PLEKHA7: variants seen among roughly 807,000 people sequenced by gnomAD.
The protein encoded by PLEKHA7 is pleckstrin homology domain-containing family A member 7.
In PLEKHA7, 104 loss-of-function variants were observed where a neutral mutation model predicts 170.0. That is an observed-to-expected ratio of 0.61 (90% CI 0.52 to 0.72). The LOEUF is 0.72. PLEKHA7 is among the 30% of genes least tolerant of loss of function. The pLI is 0.00. For synonymous variants in PLEKHA7, 648 were observed against 660.8 expected, an observed-to-expected ratio of 0.98 and a Z score of 0.30; for missense variants, 1,615 against 1,671.7, an observed-to-expected ratio of 0.97 and a Z score of 0.59.
At chr11:17,011,133 C>T (rs1017915059) in intron 3 of PLEKHA7, among the ~76,000 whole-genome samples, 4 of 152,190 alleles carry the variant, frequency 2.6e-5, no homozygotes, top group African/African-American at 9.7e-5. Context: ...TGTGCTCCAG[C>T]CTCCAGAGTC....
intron 3 of PLEKHA7, among the ~76,000 whole-genome samples, chr11:16,982,251 C>T (rs1345064031): frequency 6.6e-6 from 1 of 152,254 alleles, no homozygotes; most frequent in African/African-American, 2.4e-5. Context: ...AAGAATTTGG[C>T]CAAGGGCAAA....
chr11:16,913,862 AG>A (rs1418721534), intron 3 of PLEKHA7, among the ~76,000 whole-genome samples: 3 of 152,272 alleles, frequency 2.0e-5, no homozygotes, highest in Admixed American at 2.0e-4. Context: ...TAAGGTAAAT[AG>A]AAGAGTCCAC....
At chr11:16,887,375 ACG>A (rs1856204441) in intron 3 of PLEKHA7, among the ~76,000 whole-genome samples, 1 of 142,830 alleles carries the variant, frequency 7.0e-6, no homozygotes, top group Non-Finnish European at 1.5e-5. Context: ...CCCTCTCCCC[ACG>A]GTCTGCCTCT....
intron 16 of PLEKHA7, 102 bp downstream of exon 16, chr11:16,801,566 T>G: frequency 7.0e-7 from 1 of 1,429,964 alleles, no homozygotes; most frequent in African/African-American, 1.4e-5. Context: ...ATTTCAGGAC[T>G]CTTGCCTCTG....
intron 10 of PLEKHA7, among the ~76,000 whole-genome samples, chr11:16,823,252 C>T (rs941339387): frequency 6.6e-6 from 1 of 152,104 alleles, no homozygotes; most frequent in African/African-American, 2.4e-5. Flanking sequence ...GCGATCCTAC[C>T]ACCTCGGCCT....
chr11:16,840,244 A>G (rs898541757), intron 9 of PLEKHA7, among the ~76,000 whole-genome samples: 2 of 152,080 alleles, frequency 1.3e-5, no homozygotes, highest in African/African-American at 4.8e-5. Context: ...AGAGCTTACT[A>G]TGTGTCAGAT....
intron 3 of PLEKHA7, among the ~76,000 whole-genome samples, chr11:16,933,652 C>T (rs752868681): frequency 6.6e-6 from 1 of 152,178 alleles, no homozygotes; most frequent in Admixed American, 6.5e-5. Context: ...TGATCAAGAA[C>T]TCTATTTTGG....
At chr11:16,994,021 T>C (rs1314999475) in intron 3 of PLEKHA7, among the ~76,000 whole-genome samples, 1 of 152,228 alleles carries the variant, frequency 6.6e-6, no homozygotes, top group Non-Finnish European at 1.5e-5. Context: ...ATAAAGTAGA[T>C]GTTTCCTCAA....
intron 3 of PLEKHA7, among the ~76,000 whole-genome samples, chr11:16,879,799 C>G (rs1239393209): frequency 6.6e-6 from 1 of 152,188 alleles, no homozygotes; most frequent in Non-Finnish European, 1.5e-5. Context: ...ATTTGCAAAC[C>G]TCTACATTTC....
chr11:17,004,345 T>A (rs1864853927), intron 3 of PLEKHA7, among the ~76,000 whole-genome samples: 1 of 152,086 alleles, frequency 6.6e-6, no homozygotes, highest in Non-Finnish European at 1.5e-5. Flanking sequence ...CCCTTGAACT[T>A]TGAAGAAGCT....
chr11:17,009,547 T>C (rs1054955009), intron 3 of PLEKHA7, among the ~76,000 whole-genome samples: 3 of 152,248 alleles, frequency 2.0e-5, no homozygotes, highest in Non-Finnish European at 4.4e-5. Context: ...ATGACACTAT[T>C]ATCACAATTA....
rs113154554 is a variant in PLEKHA7, at chr11:16,851,728, T to C, written c.596-437A>G. ...CCTCCCAAAGTGTTGGGATTACAGG[T>C]GTGAGCCACAGTGCCCAGCCAGCTC... On this transcript the variant is annotated intron_variant, in intron 7 of 26. Transcript: ENST00000531066. Among the ~76,000 whole-genome samples, 1,327 of 152,132 alleles carry C rather than the reference T, an allele frequency of 8.7e-3. 22 individuals carry two copies. Among genetic ancestry groups the C allele is most frequent in the African/African-American group, 0.031 (1,267 of 41,508 alleles).
chr11:16,863,966 C>T (rs1390727666), intron 4 of PLEKHA7, among the ~76,000 whole-genome samples: 1 of 152,196 alleles, frequency 6.6e-6, no homozygotes, highest in Non-Finnish European at 1.5e-5. Flanking sequence ...GGAGGCTTGG[C>T]ATCTTTCAAA....
chr11:16,909,962 T>C (rs538804289), intron 3 of PLEKHA7, among the ~76,000 whole-genome samples: 1 of 152,232 alleles, frequency 6.6e-6, no homozygotes, highest in Non-Finnish European at 1.5e-5. Flanking sequence ...ACAATGACCC[T>C]AAAGAGATAC....
intron 3 of PLEKHA7, among the ~76,000 whole-genome samples, chr11:16,958,241 C>T (rs11024091): frequency 0.067 from 10,243 of 152,012 alleles, 1,141 homozygotes; most frequent in African/African-American, 0.23. Flanking sequence ...CAATTGAGCC[C>T]GGAATGCTAA....
At position 16,826,242 on chromosome 11, in the gene PLEKHA7, A is replaced by T; in HGVS notation, c.1221T>A (p.Asn407Lys). ...LPASYGPGEQNGTGGYQRAFP... is the reference protein window; with the variant it reads ...LPASYGPGEQKGTGGYQRAFP... ...AGGCCCGCTGGTACCCACCAGTCCCATTCTGTTCTCCTGGGCCATATGAGG... is the reference window on the plus strand; with the variant it reads ...AGGCCCGCTGGTACCCACCAGTCCCTTTCTGTTCTCCTGGGCCATATGAGG... The change falls in exon 10 of 27, where the codon AAT becomes AAA. Residue 407 changes from asparagine to lysine, a missense_variant. Physicochemically the swap from Asn to Lys is moderately conservative, Grantham distance 94 (BLOSUM62 0). Transcript: ENST00000531066. 1.2e-6 allele frequency: 2 copies of T among 1,614,154 alleles called. No individual in the cohort carries two copies. The highest frequency in any genetic ancestry group is 1.7e-6 in the Non-Finnish European group (2 of 1,180,030).
chr11:16,818,936 T>C (rs1286167184), intron 10 of PLEKHA7, among the ~76,000 whole-genome samples: 1 of 151,496 alleles, frequency 6.6e-6, no homozygotes. Flanking sequence ...CCTGAGTAGC[T>C]GGGACTACAG....
At chr11:16,963,882 T>C (rs1862212354) in intron 3 of PLEKHA7, among the ~76,000 whole-genome samples, 1 of 152,224 alleles carries the variant, frequency 6.6e-6, no homozygotes, top group African/African-American at 2.4e-5. Context: ...CTTTATTATA[T>C]TCGCAATGTT....
rs147188386 is a variant in PLEKHA7, at chr11:16,794,521, G to A, written c.2712C>T (p.Pro904=). ...GCTTCGCCTTAGTTGGTGACTGAAG[G>A]GGGGATGTCACTTTCCTCAGCTGGG... The part of the protein sequence containing the change: ...HPPQLRKVTS[P]LQSPTKAKPK... The change falls in exon 19 of 27, where the codon CCC becomes CCT. Residue 904 remains proline, a synonymous_variant. Transcript: ENST00000531066. The A allele has an allele frequency of 3.6e-4, 585 of 1,613,816 alleles. 1 individual carries two copies. The highest frequency in any genetic ancestry group is 4.6e-4 in the Non-Finnish European group (540 of 1,180,012).
Sources: allele counts gnomAD v4.1 joint callset (sites outside exome capture counted in the v4.1 genomes callset), GRCh38; gene constraint gnomAD v4.1.1; transcripts MANE v1.5; gene names NCBI Gene and HGNC (gene_info 2026-07-23, HGNC 2026-07-21).